Variants in TNS3 observed in about 807,000 individuals in gnomAD.
The protein encoded by TNS3 is tensin 3.
Under a neutral mutation model 140.9 loss-of-function variants are expected in TNS3, and 45 were observed. That is an observed-to-expected ratio of 0.32 (90% CI 0.25 to 0.41). The LOEUF (loss-of-function observed/expected upper bound fraction) is 0.41, where lower values mean the gene tolerates loss of function less well. Among genes scored for constraint, TNS3 ranks in the 10% least tolerant of loss-of-function variants. The pLI is 1.00. For synonymous variants in TNS3, 815 were observed against 788.4 expected (o/e 1.03, Z -0.56); for missense variants, 1,716 against 1,906.7 (o/e 0.90, Z 1.86).
At chr7:47,434,927 T>C (rs1007891462) in intron 8 of TNS3, among the ~76,000 whole-genome samples, 4 of 152,242 alleles carry the variant, frequency 2.6e-5, no homozygotes, top group African/African-American at 9.6e-5. Context: ...ACAGTCCATC[T>C]GAAAAGGGCA....
At chr7:47,506,150 A>T (rs1212650666) in intron 3 of TNS3, among the ~76,000 whole-genome samples, 2 of 152,158 alleles carry the variant, frequency 1.3e-5, no homozygotes, top group Admixed American at 1.3e-4. Flanking sequence ...CAAACAGTAG[A>T]TGGGGCAAAA....
rs1204858025 is a variant in TNS3 at position 47,453,454 on chromosome 7, A to G, written c.-75-11399T>C. 3.3e-5 allele frequency among the ~76,000 whole-genome samples: 5 copies of G among 152,094 alleles called. No individual in the cohort carries two copies. In the East Asian group the frequency reaches 9.6e-4, roughly 29 times the overall value. On this transcript the variant is annotated intron_variant, in intron 4 of 30. Transcript: ENST00000311160. Reference sequence around the variant, plus strand: ...CCCAGGTAACAGATGCCTGATGCCCACTGGCCTTCCTCCCTCCCTCTTTCC... The same window carrying G: ...CCCAGGTAACAGATGCCTGATGCCCGCTGGCCTTCCTCCCTCCCTCTTTCC...
At position 47,531,748 on chromosome 7, in the gene TNS3, C is replaced by T. The variant is rs904269724; in HGVS notation, c.-264-2601G>A. On this transcript the variant is annotated intron_variant, in intron 1 of 30. Transcript: ENST00000311160. ...AGGGAGGTGAGGCTGGGGCTGCACT[C>T]TCCATGGAGCCGGTGGGAGCTCCAC... is the stretch of plus-strand genomic sequence containing the variant. Among the ~76,000 whole-genome samples the T allele has an allele frequency of 3.9e-5, 6 of 152,366 alleles. No homozygotes were observed. The East Asian group carries it at 1.2e-3, about 29-fold the overall frequency.
chr7:47,368,831 T>A lies in TNS3; in HGVS notation c.1815A>T (p.Pro605=), dbSNP rs1182709998. 1.2e-6 allele frequency: 2 copies of A among 1,612,954 alleles called. No homozygotes were observed. The highest frequency in any genetic ancestry group is 2.2e-5 in the South Asian group (2 of 91,002). Residue 605 remains proline (P), a synonymous_variant, in exon 17 of 31, where the codon CCA becomes CCT. Coordinates refer to ENST00000311160, the MANE Select transcript of TNS3 (RefSeq NM_022748.12). The part of the protein sequence containing the change: ...MVVAHQYSFA[P]DGEARLVSRC... ...GGCTCACCAGCCGGGCCTCCCCATC[T>A]GGGGCGAAGCTATACTGGTGAGCTA...
rs1002035875 is a variant in TNS3 at position 47,367,100 on chromosome 7, T to C, written c.2281+1265A>G. Reference sequence around the variant, plus strand: ...AGGTTATCCTTTGGGTCCTGGTCCTTGCATGGCACTGCCAGGGCTCCCAGA... The same window carrying C: ...AGGTTATCCTTTGGGTCCTGGTCCTCGCATGGCACTGCCAGGGCTCCCAGA... On this transcript the variant is annotated intron_variant, in intron 17 of 30. Transcript: ENST00000311160. Among the ~76,000 whole-genome samples the C allele has an allele frequency of 2.6e-5, 4 of 152,338 alleles. No homozygotes were observed. The East Asian group carries it at 5.8e-4, about 22-fold the overall frequency.
chr7:47,580,462 AGTC>A lies in TNS3; in HGVS notation c.-265+1586_-265+1588del, dbSNP rs1167284181. On this transcript the variant is annotated intron_variant, in intron 1 of 30. Coordinates refer to ENST00000311160, the MANE Select transcript of TNS3 (RefSeq NM_022748.12). ...CACCATTACTATTCCTAAGGTCAGG[AGTC>A]GGGCTTGCTGCCAGTTCCTCCTGTC... Among the ~76,000 whole-genome samples the A allele has an allele frequency of 9.8e-5, 15 of 152,310 alleles. No homozygotes were observed. The East Asian group carries it at 2.7e-3, about 27-fold the overall frequency.
chr7:47,401,473 G>A (rs1052305240), intron 13 of TNS3, among the ~76,000 whole-genome samples: 2 of 152,196 alleles, frequency 1.3e-5, no homozygotes, highest in Non-Finnish European at 2.9e-5. Context: ...AGGAGGAAGG[G>A]AGAGAGGGAG....
chr7:47,389,601 C>A (rs1792389741), intron 16 of TNS3, among the ~76,000 whole-genome samples: 1 of 12,402 alleles, frequency 8.1e-5, no homozygotes, highest in Non-Finnish European at 8.3e-4. Context: ...GCCCCCAATG[C>A]CACCCTCCTC....
At chr7:47,548,279 C>A (rs613485) in intron 1 of TNS3, among the ~76,000 whole-genome samples, 1 of 151,912 alleles carries the variant, frequency 6.6e-6, no homozygotes, top group East Asian at 1.9e-4. Flanking sequence ...TAACACATCC[C>A]ATCTTTGAAA....
chr7:47,411,179 A>G lies in TNS3; in HGVS notation c.723+548T>C, dbSNP rs184892198. Among the ~76,000 whole-genome samples the G allele has an allele frequency of 1.2e-3, 180 of 152,356 alleles. 1 individual carries two copies. Among genetic ancestry groups the G allele is most frequent in the Non-Finnish European group, 2.1e-4 (14 of 68,034 alleles). On this transcript the variant is annotated intron_variant, in intron 13 of 30. Transcript: ENST00000311160. ...TAGGACATTAATTTCCAGGTTGTAT[A>G]TCTCGAGGGGCTCTAGAATGAAAGA...
chr7:47,368,015 A>G (rs1472525319), intron 17 of TNS3, among the ~76,000 whole-genome samples: 1 of 152,206 alleles, frequency 6.6e-6, no homozygotes, highest in African/African-American at 2.4e-5. Flanking sequence ...TTCTTTGTAA[A>G]TCCACCAACA....
At chr7:47,459,950 T>A (rs1796411782) in intron 4 of TNS3, among the ~76,000 whole-genome samples, 1 of 152,078 alleles carries the variant, frequency 6.6e-6, no homozygotes, top group Admixed American at 6.5e-5. Context: ...AGTGATTAAG[T>A]TAAAATGACA....
chr7:47,360,211 G>A (rs535450603), intron 17 of TNS3, among the ~76,000 whole-genome samples: 2 of 152,236 alleles, frequency 1.3e-5, no homozygotes, highest in East Asian at 1.9e-4. Context: ...GGGCTGACTC[G>A]GTTATTAAAT....
At chr7:47,325,175 C>A (rs1226761898) in intron 20 of TNS3, among the ~76,000 whole-genome samples, 2 of 152,176 alleles carry the variant, frequency 1.3e-5, no homozygotes, top group African/African-American at 4.8e-5. Flanking sequence ...GGTCCCATTT[C>A]CTTCTTACCT....
intron 17 of TNS3, among the ~76,000 whole-genome samples, chr7:47,355,658 G>A (rs1789952453): frequency 6.6e-6 from 1 of 152,164 alleles, no homozygotes; most frequent in African/African-American, 2.4e-5. Flanking sequence ...CACCCACAAA[G>A]CTCTTCGGCA....
intron 17 of TNS3, among the ~76,000 whole-genome samples, chr7:47,354,558 C>A (rs1262941083): frequency 1.3e-5 from 2 of 151,898 alleles, no homozygotes; most frequent in Admixed American, 1.3e-4. Context: ...GCCTGAGGCC[C>A]AGGTGCTGGG....
chr7:47,318,370 G>C (rs530555836), intron 20 of TNS3, among the ~76,000 whole-genome samples: 1 of 152,054 alleles, frequency 6.6e-6, no homozygotes, highest in Non-Finnish European at 1.5e-5. Flanking sequence ...TTGACTTTGC[G>C]AACAGTTACA....
intron 17 of TNS3, among the ~76,000 whole-genome samples, chr7:47,360,326 C>CT (rs965975251): frequency 1.3e-5 from 2 of 152,148 alleles, no homozygotes; most frequent in African/African-American, 4.8e-5. Flanking sequence ...GCAGGAGTCT[C>CT]TTTTCAGAGT....
At chr7:47,478,453 C>T (rs1172031558) in intron 4 of TNS3, among the ~76,000 whole-genome samples, 6 of 151,472 alleles carry the variant, frequency 4.0e-5, no homozygotes, top group African/African-American at 1.5e-4. Context: ...TACACATAAA[C>T]TGACATACAT....
Sources: allele counts gnomAD v4.1 joint callset (sites outside exome capture counted in the v4.1 genomes callset), GRCh38; gene constraint gnomAD v4.1.1; transcripts MANE v1.5; gene names NCBI Gene and HGNC (gene_info 2026-07-23, HGNC 2026-07-21).